SORCS2: variants seen among roughly 807,000 people sequenced by gnomAD.
The protein encoded by SORCS2 is VPS10 domain-containing receptor SorCS2.
A neutral mutation model predicts 141.6 loss-of-function variants in SORCS2; 100 were observed. The ratio of observed to expected loss-of-function variants is 0.71; its 90% confidence interval spans 0.60 to 0.83. The LOEUF is 0.83. Among genes scored for constraint, SORCS2 ranks in the 40% least tolerant of loss-of-function variants. SORCS2 has a pLI of 0.00. For missense variants in SORCS2, 1,646 were observed against 1,560.2 expected (o/e 1.05, Z -0.93); for synonymous variants, 789 against 676.9 (o/e 1.17, Z -2.57).
chr4:7,693,112 C>T (rs948096391), intron 11 of SORCS2, among the ~76,000 whole-genome samples: 7 of 152,210 alleles, frequency 4.6e-5, no homozygotes, highest in Admixed American at 1.3e-4. Context: ...CAGGACTGAA[C>T]GGCTGGCTCC....
intron 2 of SORCS2, among the ~76,000 whole-genome samples, chr4:7,408,008 T>C (rs1725079324): frequency 6.6e-6 from 1 of 152,140 alleles, no homozygotes. Flanking sequence ...TCAGTTTACG[T>C]ATTTCTATAT....
intron 2 of SORCS2, among the ~76,000 whole-genome samples, chr4:7,468,370 G>A (rs903625766): frequency 6.6e-6 from 1 of 152,194 alleles, no homozygotes; most frequent in Non-Finnish European, 1.5e-5. Context: ...TCCCCCTCAC[G>A]CTATGTCTCC....
intron 1 of SORCS2, among the ~76,000 whole-genome samples, chr4:7,272,607 C>A (rs957876582): frequency 6.6e-6 from 1 of 152,236 alleles, no homozygotes; most frequent in Non-Finnish European, 1.5e-5. Context: ...GAGGTGAGAC[C>A]TTCCGGTTCA....
At chr4:7,722,308 C>G (rs1726646909) in intron 18 of SORCS2, among the ~76,000 whole-genome samples, 2 of 152,190 alleles carry the variant, frequency 1.3e-5, no homozygotes. Flanking sequence ...TGAGAGGCTG[C>G]CTTTAAACAG....
At position 7,587,105 on chromosome 4, in the gene SORCS2, G is replaced by A. The variant is rs148733708; in HGVS notation, c.649-51223G>A. ...GGGAGCTCCCTGTCATGAGAGGTGC[G>A]CAAGCAGAAGCTGGACAACCACCAG... On this transcript the variant is annotated intron_variant, in intron 3 of 26. Coordinates refer to ENST00000507866, the MANE Select transcript of SORCS2 (RefSeq NM_020777.3). Among the ~76,000 whole-genome samples, 314 of 152,102 alleles carry A rather than the reference G, an allele frequency of 2.1e-3. 1 individual carries two copies. The highest frequency in any genetic ancestry group is 3.6e-3 in the Admixed American group (55 of 15,270).
intron 3 of SORCS2, among the ~76,000 whole-genome samples, chr4:7,605,962 C>A (rs775277952): frequency 6.6e-6 from 1 of 152,182 alleles, no homozygotes; most frequent in African/African-American, 2.4e-5. Context: ...AGTGAAGTTA[C>A]AGATGCTGAA....
intron 18 of SORCS2, among the ~76,000 whole-genome samples, chr4:7,721,884 G>A (rs1408926435): frequency 2.6e-5 from 4 of 152,116 alleles, no homozygotes. Context: ...TATCTCAGAA[G>A]ACAATGTTTA....
intron 19 of SORCS2, 75 bp from the exon 20 acceptor site, chr4:7,725,079 A>G (rs1360799462): frequency 1.4e-6 from 2 of 1,466,100 alleles, no homozygotes; most frequent in East Asian, 4.6e-5. Flanking sequence ...TGCTGGTGAC[A>G]GTGATCACTA....
intron 3 of SORCS2, among the ~76,000 whole-genome samples, chr4:7,625,317 T>G (rs1719447659): frequency 6.6e-6 from 1 of 152,072 alleles, no homozygotes; most frequent in African/African-American, 2.4e-5. Flanking sequence ...CATGCCAACA[T>G]CATGGCTCAC....
rs189026857 is a variant in SORCS2, at chr4:7,607,689, C to A, written c.649-30639C>A. Among the ~76,000 whole-genome samples the A allele has an allele frequency of 8.5e-5, 13 of 152,300 alleles. No homozygotes were observed. In the South Asian group the frequency reaches 2.7e-3, roughly 32 times the overall value. On this transcript the variant is annotated intron_variant, in intron 3 of 26. Transcript: ENST00000507866. The stretch of plus-strand genomic sequence containing the variant: ...AATCCTGCCAAGTCTTTCTGGCTCT[C>A]TTCCCTGGGCCACCCAGGAGTTCAG...
intron 9 of SORCS2, among the ~76,000 whole-genome samples, chr4:7,677,205 G>C (rs982416531): frequency 1.3e-5 from 2 of 152,062 alleles, no homozygotes; most frequent in African/African-American, 2.4e-5. Flanking sequence ...TGCCCTCCTG[G>C]GTCCCCCTCG....
intron 3 of SORCS2, among the ~76,000 whole-genome samples, chr4:7,551,809 C>T (rs1434134038): frequency 6.6e-6 from 1 of 152,198 alleles, no homozygotes; most frequent in Non-Finnish European, 1.5e-5. Context: ...TTGATCAGTG[C>T]CTCCTGGGCT....
intron 1 of SORCS2, among the ~76,000 whole-genome samples, chr4:7,275,974 T>A (rs536819804): frequency 6.6e-6 from 1 of 152,074 alleles, no homozygotes. Context: ...GACCGAGGCT[T>A]GGAGAGTGTG....
At position 7,704,192 on chromosome 4, in the gene SORCS2, G is replaced by A. The variant is rs1271059915; in HGVS notation, c.1776G>A (p.Glu592=). 1 of 1,612,440 alleles carries A rather than the reference G, an allele frequency of 6.2e-7. No individual in the cohort carries two copies. The highest frequency in any genetic ancestry group is 8.5e-7 in the Non-Finnish European group (1 of 1,179,400). The change falls in exon 14 of 27, where the codon GAG becomes GAA. Residue 592 remains glutamate, a synonymous_variant. Transcript: ENST00000507866. ...PLKILKFSVD[E]GLTWSTHNFT... Reference sequence around the variant, plus strand: ...CTCCTGGCAGGTTCAGTGTGGACGAGGGCCTCACCTGGAGCACGCACAACT... The same window carrying A: ...CTCCTGGCAGGTTCAGTGTGGACGAAGGCCTCACCTGGAGCACGCACAACT...
At chr4:7,278,542 A>G (rs753146467) in intron 1 of SORCS2, among the ~76,000 whole-genome samples, 66 of 152,174 alleles carry the variant, frequency 4.3e-4, no homozygotes, top group Non-Finnish European at 7.1e-4. Context: ...TGATGTTGAC[A>G]CAGGGCAAGG....
intron 3 of SORCS2, among the ~76,000 whole-genome samples, chr4:7,539,334 C>G (rs79599936): frequency 0.01 from 1,578 of 152,324 alleles, 34 homozygotes; most frequent in African/African-American, 0.036. Context: ...GGTGGTACCA[C>G]CTGCTCTCCA....
intron 1 of SORCS2, among the ~76,000 whole-genome samples, chr4:7,388,283 C>G (rs1017897635): frequency 6.6e-6 from 1 of 152,178 alleles, no homozygotes; most frequent in East Asian, 1.9e-4. Context: ...ATGACAGACT[C>G]AGCCTGAATC....
intron 2 of SORCS2, among the ~76,000 whole-genome samples, chr4:7,521,087 G>A (rs1733300389): frequency 6.6e-6 from 1 of 152,090 alleles, no homozygotes; most frequent in African/African-American, 2.4e-5. Context: ...CCTGGTCAGC[G>A]AAATGGGAAG....
chr4:7,654,315 C>T (rs1198032271), intron 5 of SORCS2, 108 bp downstream of exon 5: 1 of 1,135,832 alleles, frequency 8.8e-7, no homozygotes, highest in African/African-American at 1.5e-5. Context: ...CTCCTCTGGA[C>T]CCTCCCCATC....
Sources: gnomAD v4.1 joint callset for allele counts (sites outside exome capture counted in the v4.1 genomes callset) on GRCh38, gnomAD v4.1.1 for gene constraint, MANE v1.5 for transcripts, NCBI Gene and HGNC (gene_info 2026-07-23, HGNC 2026-07-21) for gene names.